The following INPP5A variants were observed in gnomAD, a reference collection of about 807,000 sequenced individuals.
The protein encoded by INPP5A is 43 kDa inositol polyphosphate 5-phophatase.
A neutral mutation model predicts 65.2 loss-of-function variants in INPP5A; 14 were observed. That is an observed-to-expected ratio of 0.21 (90% CI 0.14 to 0.34). The LOEUF is 0.34. Among genes scored for constraint, INPP5A ranks in the 10% least tolerant of loss-of-function variants. INPP5A has a pLI of 1.00. For synonymous variants in INPP5A, 207 were observed against 208.3 expected, an observed-to-expected ratio of 0.99 and a Z score of 0.05; for missense variants, 431 against 545.6, an observed-to-expected ratio of 0.79 and a Z score of 2.09.
At chr10:132,718,196 G>A (rs1195846717) in intron 8 of INPP5A, among the ~76,000 whole-genome samples, 7 of 139,036 alleles carry the variant, frequency 5.0e-5, no homozygotes, top group South Asian at 2.4e-4. Flanking sequence ...GCCTTAGACG[G>A]CTGTCTTCAG....
At position 132,644,412 on chromosome 10, in the gene INPP5A, G is replaced by A. The variant is rs1412761176; in HGVS notation, c.118-1456G>A. 6.6e-6 allele frequency among the ~76,000 whole-genome samples: 1 copy of A among 152,262 alleles called. No homozygotes were observed. Among genetic ancestry groups the A allele is most frequent in the Non-Finnish European group, 1.5e-5 (1 of 68,044 alleles). ...CGTCTTCACCTGCAGCACAGACAGG[G>A]CCTGTCCGCCGGGCTTGGTTGGAAC... On this transcript the variant is annotated intron_variant, in intron 2 of 15. Transcript: ENST00000368594. The surrounding 1 kb of genome is among the most constrained non-coding windows in gnomAD (Gnocchi z 6.5).
At chr10:132,703,581 CT>C (rs1845475044) in intron 6 of INPP5A, among the ~76,000 whole-genome samples, 2 of 148,442 alleles carry the variant, frequency 1.3e-5, no homozygotes, top group African/African-American at 2.5e-5. Flanking sequence ...GGCTTCACCC[CT>C]GCACACACAT....
chr10:132,712,599 C>CGCGGGTGTGTGGGTGCATGTGTGT (rs1845662514), intron 8 of INPP5A, among the ~76,000 whole-genome samples: 1 of 132,870 alleles, frequency 7.5e-6, no homozygotes, highest in Non-Finnish European at 1.6e-5. Flanking sequence ...TGTATGTGTG[C>CGCGGGTGTGTGGGTGCATGTGTGT]GCGGGTGTGT....
intron 4 of INPP5A, among the ~76,000 whole-genome samples, chr10:132,688,890 G>A (rs1564965549): frequency 6.6e-6 from 1 of 151,876 alleles, no homozygotes; most frequent in Non-Finnish European, 1.5e-5. Context: ...ATGAGTGCAA[G>A]TGGGAGAGCA....
chr10:132,606,652 A>G (rs548474797), intron 1 of INPP5A, among the ~76,000 whole-genome samples: 1 of 152,206 alleles, frequency 6.6e-6, no homozygotes, highest in Admixed American at 6.5e-5. Flanking sequence ...TGAACGGAGG[A>G]GCGCGCCTGG....
At chr10:132,592,604 G>A (rs553659531) in intron 1 of INPP5A, among the ~76,000 whole-genome samples, 7 of 152,178 alleles carry the variant, frequency 4.6e-5, no homozygotes, top group African/African-American at 1.4e-4. Flanking sequence ...ATGGGGTTTT[G>A]TGATGTTGGC....
At chr10:132,720,268 G>C (rs550611570) in intron 8 of INPP5A, among the ~76,000 whole-genome samples, 1 of 149,434 alleles carries the variant, frequency 6.7e-6, no homozygotes, top group Non-Finnish European at 1.5e-5. Context: ...GTGGTGCCTG[G>C]GTTCTGTCTG....
At chr10:132,757,969 G>A (rs1308297140) in intron 11 of INPP5A, among the ~76,000 whole-genome samples, 12 of 144,928 alleles carry the variant, frequency 8.3e-5, no homozygotes, top group Non-Finnish European at 1.2e-4. Flanking sequence ...GTGCCCGGCC[G>A]ACCCCACAGG....
chr10:132,636,443 A>T lies in INPP5A; in HGVS notation c.118-9425A>T, dbSNP rs1158823262. ...CTGTGCAAAACAGCCACGTCACAAA[A>T]CTGCACTGTACCCCTTACATGTATA... On this transcript the variant is annotated intron_variant, in intron 2 of 15. Transcript: ENST00000368594. Among the ~76,000 whole-genome samples the T allele has an allele frequency of 2.6e-5, 4 of 152,280 alleles. No individual in the cohort carries two copies. In the East Asian group the frequency reaches 7.7e-4, roughly 29 times the overall value.
intron 6 of INPP5A, among the ~76,000 whole-genome samples, chr10:132,701,601 C>T (rs1845438720): frequency 6.6e-6 from 1 of 152,276 alleles, no homozygotes; most frequent in African/African-American, 2.4e-5. Context: ...TGCCTCCCAG[C>T]ACTTCCCGGC....
intron 4 of INPP5A, among the ~76,000 whole-genome samples, chr10:132,665,202 G>T (rs1194161328): frequency 6.6e-6 from 1 of 152,182 alleles, no homozygotes; most frequent in African/African-American, 2.4e-5. Context: ...GGGACAGACG[G>T]AGCACTTCAC....
chr10:132,709,292 A>C, intron 7 of INPP5A, among the ~76,000 whole-genome samples: 1 of 50,220 alleles, frequency 2.0e-5, no homozygotes, highest in African/African-American at 8.3e-5. Context: ...GAGGGGGAGG[A>C]GGAGGGGATG....
intron 9 of INPP5A, among the ~76,000 whole-genome samples, chr10:132,746,475 C>G (rs1383394501): frequency 2.6e-5 from 4 of 152,194 alleles, no homozygotes. Context: ...ATCCGAATGA[C>G]TGCGTTATTT....
intron 1 of INPP5A, among the ~76,000 whole-genome samples, chr10:132,570,090 G>T (rs1192246194): frequency 1.3e-5 from 2 of 148,884 alleles, no homozygotes; most frequent in African/African-American, 5.0e-5. Context: ...GTGAGCCACC[G>T]CGCTGGGCCC....
chr10:132,660,154 G>A (rs1046182445), intron 4 of INPP5A, among the ~76,000 whole-genome samples: 21 of 152,396 alleles, frequency 1.4e-4, no homozygotes, highest in South Asian at 1.2e-3. Flanking sequence ...GAGGGTGGGG[G>A]TGAGAGATGG....
Position 132,644,177 on chromosome 10 carries a change from G to C in INPP5A, c.118-1691G>C, listed in dbSNP as rs2072462675. On this transcript the variant is annotated intron_variant, in intron 2 of 15. Coordinates refer to ENST00000368594, the MANE Select transcript of INPP5A (RefSeq NM_005539.5). The surrounding 1 kb of genome is among the most constrained non-coding windows in gnomAD (Gnocchi z 6.5). ...AGGGAGAAGTGCACTGCCTGGGCCTGAAGGCAGTGGGCTGTCTGGCCTCCT... is the reference window on the plus strand; with the variant it reads ...AGGGAGAAGTGCACTGCCTGGGCCTCAAGGCAGTGGGCTGTCTGGCCTCCT... Among the ~76,000 whole-genome samples the C allele has an allele frequency of 6.6e-6, 1 of 152,222 alleles. No homozygotes were observed. The highest frequency in any genetic ancestry group is 1.5e-5 in the Non-Finnish European group (1 of 68,030).
At chr10:132,539,753 A>G (rs571483404) in intron 1 of INPP5A, among the ~76,000 whole-genome samples, 57 of 131,696 alleles carry the variant, frequency 4.3e-4, no homozygotes, top group Non-Finnish European at 7.5e-4. Flanking sequence ...GATGTGTGCC[A>G]CTGATGCACG....
Position 132,781,983 on chromosome 10 carries a change from C to T in INPP5A, c.*7+35C>T, listed in dbSNP as rs370555745. 100 of 1,612,176 alleles carry T rather than the reference C, an allele frequency of 6.2e-5. No homozygotes were observed. In the East Asian group the frequency reaches 1.1e-3, roughly 18 times the overall value. ...ACTCCTCCCTCCAGTTCAGCTTTTA[C>T]GCAGCTTTTCCTGGTGCGTTTGTTC... On this transcript the variant is annotated intron_variant, in intron 15 of 15. Transcript: ENST00000368594.
intron 6 of INPP5A, 88 bp from the exon 7 acceptor site, chr10:132,708,225 A>G: frequency 8.5e-7 from 1 of 1,176,484 alleles, no homozygotes; most frequent in East Asian, 2.4e-5. Context: ...TTTGGAAAGC[A>G]TCTCCTGTGT....
Sources: allele counts gnomAD v4.1 joint callset (sites outside exome capture counted in the v4.1 genomes callset), GRCh38; gene constraint gnomAD v4.1.1; non-coding constraint Gnocchi (gnomAD v3.1); transcripts MANE v1.5; gene names NCBI Gene and HGNC (gene_info 2026-07-23, HGNC 2026-07-21).